AMN: variants seen among roughly 807,000 people sequenced by gnomAD.
AMN encodes the protein amnion associated transmembrane protein.
AMN carries 40 observed loss-of-function variants against 49.1 expected under a neutral mutation model. That is an observed-to-expected ratio of 0.81 (90% CI 0.63 to 1.06). AMN has a LOEUF of 1.06. Among genes scored for constraint, AMN ranks in the 50% least tolerant of loss-of-function variants. The probability of loss-of-function intolerance (pLI) is 0.00; values close to 1 mark genes in which losing one functional copy is unlikely to be tolerated. For synonymous variants in AMN, 380 were observed against 313.3 expected, an observed-to-expected ratio of 1.21 and a Z score of -2.25; for missense variants, 701 against 662.8, an observed-to-expected ratio of 1.06 and a Z score of -0.63.
rs1845495272 is a variant in AMN, at chr14:102,930,262, C to CGTGCTGCTG, written c.1106_1114dup (p.Val369_Leu371dup). 1.4e-6 allele frequency: 2 copies of CGTGCTGCTG among 1,381,358 alleles called. No homozygotes were observed. The highest frequency in any genetic ancestry group is 1.9e-6 in the Non-Finnish European group (2 of 1,070,396). 85.6% of individuals were successfully genotyped at this position (1,381,358 alleles called of 1,614,324 possible). ...GGCTGGCGGGCGGCGTGGCGGCTGC[C>CGTGCTGCTG]GTGCTGCTGGCGCTGCTGGTCCTGC... On this transcript the variant is annotated inframe_insertion, in exon 10 of 12. Coordinates refer to ENST00000299155, the MANE Select transcript of AMN (RefSeq NM_030943.4).
chr14:102,929,188 G>T lies in AMN; in HGVS notation c.581G>T (p.Gly194Val). 1.9e-6 allele frequency: 3 copies of T among 1,592,422 alleles called. No homozygotes were observed. Among genetic ancestry groups the T allele is most frequent in the Non-Finnish European group, 2.5e-6 (3 of 1,177,210 alleles). Residue 194 changes from glycine to valine, a missense_variant, in exon 6 of 12, where the codon GGG (glycine) becomes GTG (valine). Transcript: ENST00000299155. Reference sequence around the variant, plus strand: ...CGCGCGGGCCGCCTACGCTTCCACGGGCCGGGCGCGCTGAGCGTGGGCCCC... The same window carrying T: ...CGCGCGGGCCGCCTACGCTTCCACGTGCCGGGCGCGCTGAGCGTGGGCCCC... ...ASRAGRLRFH[G>V]PGALSVGPED...
rs1248355711 is a variant in AMN at position 102,930,048 on chromosome 14, G to T, written c.968G>T (p.Arg323Leu). The T allele has an allele frequency of 1.2e-5, 19 of 1,547,368 alleles. No homozygotes were observed. Among genetic ancestry groups the T allele is most frequent in the Non-Finnish European group, 1.7e-5 (19 of 1,146,644 alleles). ...GGGCCCGAGACAGGCGGAGCGGGGC[G>T]GCTGGCCCGGGCCCTCCTGGCGGAC... ...ENGPETGGAG[R>L]LARALLADVA... Residue 323 changes from arginine to leucine, a missense_variant, in exon 9 of 12, where the codon CGG (arginine) becomes CTG (leucine). Arg to Leu is a moderately radical substitution (Grantham distance 102, BLOSUM62 -2). Transcript: ENST00000299155.
chr14:102,923,066 C>T, intron 1 of AMN: 1 of 330,390 alleles, frequency 3.0e-6, no homozygotes, highest in South Asian at 3.6e-5. Flanking sequence ...CGAGTGTGCG[C>T]CTGCGGGGCT....
chr14:102,929,298 G>A, intron 6 of AMN, 40 bp downstream of exon 6: 2 of 1,445,702 alleles, frequency 1.4e-6, no homozygotes, highest in Non-Finnish European at 1.8e-6. Context: ...GCCGCGCGAG[G>A]GTCGGGACTG....
rs561570970 is a variant in AMN at position 102,922,704 on chromosome 14, C to G, written c.16C>G (p.Arg6Gly). 3.2e-5 allele frequency: 51 copies of G among 1,597,766 alleles called. 1 individual carries two copies. In the South Asian group the frequency reaches 5.5e-4, roughly 17 times the overall value. Reference protein sequence around the residue: MGVLGRVLLWLQLCAL... With the variant: MGVLGGVLLWLQLCAL... ...CCGAGGCGAGATGGGCGTCCTGGGC[C>G]GGGTCCTGCTGTGGCTGCAGCTCTG... The change falls in exon 1 of 12, where the codon CGG becomes GGG. Residue 6 changes from arginine (R) to glycine (G), a missense_variant. Transcript: ENST00000299155.
In AMN at chr14:102,924,721, G is replaced by A. The variant is rs79782458; in HGVS notation, c.207+742G>A. ...ACTGGGAGGAAAGCGGGTTCCATGAGTAGGTAAGTTTGGGAAATGCTGCAG... is the reference window on the plus strand; with the variant it reads ...ACTGGGAGGAAAGCGGGTTCCATGAATAGGTAAGTTTGGGAAATGCTGCAG... On this transcript the variant is annotated intron_variant, in intron 3 of 11. Coordinates refer to ENST00000299155, the MANE Select transcript of AMN (RefSeq NM_030943.4). Among the ~76,000 whole-genome samples, 112 of 152,332 alleles carry A rather than the reference G, an allele frequency of 7.4e-4. 1 individual carries two copies. The East Asian group carries it at 0.021, about 29-fold the overall frequency.
Position 102,928,936 on chromosome 14 carries a change from T to C in AMN, c.474T>C (p.Ala158=). 1 of 1,600,720 alleles carries C rather than the reference T, an allele frequency of 6.2e-7. No homozygotes were observed. Among genetic ancestry groups the C allele is most frequent in the Non-Finnish European group, 8.5e-7 (1 of 1,179,672 alleles). Residue 158 remains alanine (A), a synonymous_variant, in exon 5 of 12, where the codon GCT becomes GCC. Transcript: ENST00000299155. ...TCCGCGTGGGGCTCGGCCCTGGCGC[T>C]AGCCCCGTGCGTGTCCGCAGCATCT... ...ASFRVGLGPG[A]SPVRVRSISA... is the part of the protein sequence containing the mutation.
rs978651612 is a variant in AMN, at chr14:102,923,003, G to C, written c.43+272G>C. 42 of 484,498 alleles carry C rather than the reference G, an allele frequency of 8.7e-5. No homozygotes were observed. In the Admixed American group the frequency reaches 1.5e-3, roughly 18 times the overall value. The allele number at this position is 484,498 out of a possible 1,614,324, so 30.0% of individuals were successfully genotyped here. A position where few individuals can be genotyped will look rare whatever the true frequency, so the allele number is the denominator to read the frequency against. ...CCGGCCTCCGGCGGCTCCTGCCCTC[G>C]CGGTTTTTCCGTCTGCGAAATGGGC... On this transcript the variant is annotated intron_variant, in intron 1 of 11. Transcript: ENST00000299155.
intron 3 of AMN, among the ~76,000 whole-genome samples, chr14:102,927,011 G>C (rs1323113317): frequency 3.3e-5 from 5 of 152,098 alleles, no homozygotes; most frequent in Non-Finnish European, 5.9e-5. Context: ...TCCCACCTCA[G>C]CCTCCCGAGT....
Position 102,930,599 on chromosome 14 carries a change from G to C in AMN, c.1281G>C (p.Leu427=), listed in dbSNP as rs745924078. The stretch of plus-strand genomic sequence containing the variant: ...AGCCCCTGCCGCGGCGGCTCAGCCT[G>C]GTTCCGAAGGCGGCCGCAGACAGCA... The part of the protein sequence containing the change: ...EELPLPRRLS[L]VPKAAADSTS... The change falls in exon 12 of 12, where the codon CTG becomes CTC. Residue 427 remains leucine, a synonymous_variant. Coordinates refer to ENST00000299155, the MANE Select transcript of AMN (RefSeq NM_030943.4). The C allele has an allele frequency of 2.2e-5, 35 of 1,588,172 alleles. No individual in the cohort carries two copies. In the African/African-American group the frequency reaches 4.2e-4, roughly 19 times the overall value.
At chr14:102,929,076 G>A in intron 5 of AMN, 45 bp from the exon 6 acceptor site, 1 of 1,597,488 alleles carries the variant, frequency 6.3e-7, no homozygotes, top group Non-Finnish European at 8.5e-7. Context: ...CTCAGGTGAA[G>A]TCTCTTCCTC....
chr14:102,923,583 C>A (rs901960694), intron 1 of AMN, 128 bp from the exon 2 acceptor site: 7 of 903,812 alleles, frequency 7.7e-6, no homozygotes, highest in Admixed American at 1.8e-5. Flanking sequence ...TCCGGGCCCC[C>A]GGGGATGGGG....
rs1181584439 is a variant in AMN, at chr14:102,929,254, C to T, written c.647C>T (p.Ala216Val). ...CCGTCGGGCTGCGTCTGCGGCAACG[C>T]GGAGGTGAGCGAGGCCGCAGTGGAG... ...ADPSGCVCGNAEAQPWICAAL... is the reference protein window; with the variant it reads ...ADPSGCVCGNVEAQPWICAAL... Residue 216 changes from alanine (A) to valine (V), a missense_variant, in exon 6 of 12, where the codon GCG (alanine) becomes GTG (valine). Transcript: ENST00000299155. The T allele has an allele frequency of 2.0e-6, 3 of 1,479,232 alleles. No individual in the cohort carries two copies. Among genetic ancestry groups the T allele is most frequent in the African/African-American group, 1.4e-5 (1 of 69,468 alleles). 91.6% of individuals were successfully genotyped at this position (1,479,232 alleles called of 1,614,324 possible).
At chr14:102,925,450 G>A (rs920380284) in intron 3 of AMN, among the ~76,000 whole-genome samples, 1 of 152,126 alleles carries the variant, frequency 6.6e-6, no homozygotes, top group East Asian at 1.9e-4. Context: ...GCTCCCACCC[G>A]GGAAACAGGA....
Position 102,930,230 on chromosome 14 carries a change from G to A in AMN, c.1072G>A (p.Ala358Thr). Residue 358 changes from alanine (A) to threonine (T), a missense_variant, in exon 10 of 12, where the codon GCG becomes ACG. Transcript: ENST00000299155. ...ESGAHVWGSS[A>T]AGLAGGVAAA... Reference sequence around the variant, plus strand: ...GGGCGCACACGTCTGGGGCAGCTCCGCGGCTGGGCTGGCGGGCGGCGTGGC... The same window carrying A: ...GGGCGCACACGTCTGGGGCAGCTCCACGGCTGGGCTGGCGGGCGGCGTGGC... The A allele has an allele frequency of 7.2e-7, 1 of 1,397,466 alleles. No homozygotes were observed. Among genetic ancestry groups the A allele is most frequent in the Non-Finnish European group, 9.3e-7 (1 of 1,078,744 alleles). 86.6% of individuals were successfully genotyped at this position (1,397,466 alleles called of 1,614,324 possible). A position where few individuals can be genotyped will look rare whatever the true frequency, so the allele number is the denominator to read the frequency against.
chr14:102,929,658 C>T lies in AMN; in HGVS notation c.764C>T (p.Ala255Val). The change falls in exon 8 of 12, where the codon GCC becomes GTC. Residue 255 changes from alanine (A) to valine (V), a missense_variant. Coordinates refer to ENST00000299155, the MANE Select transcript of AMN (RefSeq NM_030943.4). ...GACCCCTGCCCTCCCGCCGCAGGAG[C>T]CGTTGTGTTGCTGACCCACGGCCCC... The part of the protein sequence containing the change: ...PQGQCCDLCG[A>V]VVLLTHGPAF... The T allele has an allele frequency of 6.5e-7, 1 of 1,549,468 alleles. No homozygotes were observed. The highest frequency in any genetic ancestry group is 1.2e-5 in the South Asian group (1 of 84,036).
rs551323999 is a variant in AMN, at chr14:102,923,320, G to A, written c.44-391G>A. The A allele has an allele frequency of 1.3e-5, 4 of 317,530 alleles. 1 individual carries two copies. The highest frequency in any genetic ancestry group is 1.2e-4 in the South Asian group (4 of 33,514). The allele number at this position is 317,530 out of a possible 1,614,324, so 19.7% of individuals were successfully genotyped here. A position where few individuals can be genotyped will look rare whatever the true frequency, so the allele number is the denominator to read the frequency against. ...CCCGGCCCAGGTAGGACTCCTCCGG[G>A]AAGCCTTCCTGATTCCAAGGCCGAG... On this transcript the variant is annotated intron_variant, in intron 1 of 11. Transcript: ENST00000299155.
At position 102,922,858 on chromosome 14, in the gene AMN, G is replaced by A. The variant is rs143226658; in HGVS notation, c.43+127G>A. On this transcript the variant is annotated intron_variant, in intron 1 of 11. Transcript: ENST00000299155. Reference sequence around the variant, plus strand: ...TGGGCAGGGAGGGCTTTGGAGGGTTGGGGGCGTGAAACTCGGCCCTGCCTC... The same window carrying A: ...TGGGCAGGGAGGGCTTTGGAGGGTTAGGGGCGTGAAACTCGGCCCTGCCTC... 1.7e-5 allele frequency: 23 copies of A among 1,351,046 alleles called. No individual in the cohort carries two copies. The East Asian group carries it at 3.9e-4, about 23-fold the overall frequency. 83.7% of individuals were successfully genotyped at this position (1,351,046 alleles called of 1,614,324 possible).
intron 3 of AMN, among the ~76,000 whole-genome samples, chr14:102,926,610 G>A (rs1891194151): frequency 7.0e-6 from 1 of 143,660 alleles, no homozygotes; most frequent in South Asian, 2.2e-4. Context: ...TTTTTGAGAT[G>A]GAGTCTTGCT....
Sources: gnomAD v4.1 joint callset for allele counts (sites outside exome capture counted in the v4.1 genomes callset) on GRCh38, gnomAD v4.1.1 for gene constraint, MANE v1.5 for transcripts, NCBI Gene and HGNC (gene_info 2026-07-23, HGNC 2026-07-21) for gene names.